CHD2: variants seen among roughly 807,000 people sequenced by gnomAD.
CHD2 encodes the protein ATP-dependent chromatin remodeler CHD2.
CHD2 carries 28 observed loss-of-function variants against 243.9 expected under a neutral mutation model. The observed-to-expected ratio is 0.11, with a 90% CI of 0.09 to 0.16. The LOEUF (loss-of-function observed/expected upper bound fraction) is 0.16, where lower values mean the gene tolerates loss of function less well. Among genes scored for constraint, CHD2 ranks in the 10% least tolerant of loss-of-function variants. CHD2 has a pLI of 1.00. For missense variants in CHD2, 1,386 were observed against 2,209.8 expected, an observed-to-expected ratio of 0.63 and a Z score of 7.47; for synonymous variants, 775 against 779.0, an observed-to-expected ratio of 0.99 and a Z score of 0.09.
chr15:92,988,006 T>C (rs879721010), intron 26 of CHD2, among the ~76,000 whole-genome samples: 1 of 152,210 alleles, frequency 6.6e-6, no homozygotes, highest in Non-Finnish European at 1.5e-5. Flanking sequence ...TGTGCTGTTG[T>C]CGCACATTAC....
intron 26 of CHD2, among the ~76,000 whole-genome samples, chr15:92,990,603 T>G (rs1380914102): frequency 6.6e-6 from 1 of 152,212 alleles, no homozygotes; most frequent in Admixed American, 6.5e-5. Flanking sequence ...ATATAATACT[T>G]TCCTAACCTT....
rs1186713001 is a variant in CHD2 at position 93,027,782 on chromosome 15, G to A, written c.*3077G>A. On this transcript the variant is annotated 3_prime_UTR_variant, in exon 39 of 39. Coordinates refer to ENST00000394196, the MANE Select transcript of CHD2 (RefSeq NM_001271.4). ...AGGCCATCTGTGCCCCACTCATCTG[G>A]GGACAGATGGTTTTTCTTTATTGTA... 6.6e-6 allele frequency: 1 copy of A among 152,576 alleles called. No homozygotes were observed. The highest frequency in any genetic ancestry group is 1.5e-5 in the Non-Finnish European group (1 of 68,034). The allele number at this position is 152,576 out of a possible 1,614,324, so 9.5% of individuals were successfully genotyped here. A position where few individuals can be genotyped will look rare whatever the true frequency, so the allele number is the denominator to read the frequency against.
intron 25 of CHD2, among the ~76,000 whole-genome samples, chr15:92,985,069 C>CA (rs1325272439): frequency 6.6e-6 from 1 of 152,104 alleles, no homozygotes; most frequent in African/African-American, 2.4e-5. Context: ...TATGAGGTAA[C>CA]ACTAGCTACC....
At chr15:92,909,393 TA>T (rs1479395292) in intron 2 of CHD2, among the ~76,000 whole-genome samples, 3 of 152,224 alleles carry the variant, frequency 2.0e-5, no homozygotes, top group African/African-American at 7.2e-5. Flanking sequence ...AATGTGGTAA[TA>T]AACTCCAGGG....
At chr15:93,005,055 T>C (rs2054303135) in intron 34 of CHD2, among the ~76,000 whole-genome samples, 2 of 152,206 alleles carry the variant, frequency 1.3e-5, no homozygotes, top group African/African-American at 4.8e-5. Context: ...CAAGTATTTA[T>C]TGAATGTTTT....
At chr15:92,981,071 A>C (rs975272092) in intron 23 of CHD2, among the ~76,000 whole-genome samples, 160 bp downstream of exon 23, 1 of 152,240 alleles carries the variant, frequency 6.6e-6, no homozygotes, top group Admixed American at 6.5e-5. Context: ...GCTCTTACCA[A>C]ATTGAGTAGG....
chr15:92,992,302 G>C lies in CHD2; in HGVS notation c.3456-557G>C, dbSNP rs373399639. ...ATTGCTGACCACCCAGGGGTAGACT[G>C]TCTGTTTTTGGGCCAGTTACCGTAA... On this transcript the variant is annotated intron_variant, in intron 27 of 38. Transcript: ENST00000394196. Among the ~76,000 whole-genome samples, 4 of 152,162 alleles carry C rather than the reference G, an allele frequency of 2.6e-5. 1 individual carries two copies. The South Asian group carries it at 8.3e-4, about 32-fold the overall frequency.
Position 92,998,694 on chromosome 15 carries a change from G to C in CHD2, c.4008+73G>C. Reference sequence around the variant, plus strand: ...CCCTGCAGAATTAGGTAGGAAGAGAGAGGCCCTCTCTGAGCACTGCACAGA... The same window carrying C: ...CCCTGCAGAATTAGGTAGGAAGAGACAGGCCCTCTCTGAGCACTGCACAGA... On this transcript the variant is annotated intron_variant, in intron 31 of 38. Coordinates refer to ENST00000394196, the MANE Select transcript of CHD2 (RefSeq NM_001271.4). This position sits in a 1 kb window ranked among gnomAD's most constrained non-coding sequence, Gnocchi z 5.1. 1 of 1,560,952 alleles carries C rather than the reference G, an allele frequency of 6.4e-7. No individual in the cohort carries two copies. Among genetic ancestry groups the C allele is most frequent in the Non-Finnish European group, 8.7e-7 (1 of 1,147,492 alleles).
At position 92,998,944 on chromosome 15, in the gene CHD2, C is replaced by T. The variant is rs1421012705; in HGVS notation, c.4008+323C>T. Among the ~76,000 whole-genome samples the T allele has an allele frequency of 6.6e-6, 1 of 151,820 alleles. No homozygotes were observed. The highest frequency in any genetic ancestry group is 1.5e-5 in the Non-Finnish European group (1 of 67,960). ...TAAAAATACAAAAAAATTAGCCGGGCGTGGTGGCACACGCCTGTAATCCCA... is the reference window on the plus strand; with the variant it reads ...TAAAAATACAAAAAAATTAGCCGGGTGTGGTGGCACACGCCTGTAATCCCA... On this transcript the variant is annotated intron_variant, in intron 31 of 38. Transcript: ENST00000394196. The surrounding 1 kb of genome is among the most constrained non-coding windows in gnomAD (Gnocchi z 5.1).
At position 92,919,166 on chromosome 15, in the gene CHD2, CT is replaced by C. The variant is rs956891449; in HGVS notation, c.63-5142del. Among the ~76,000 whole-genome samples the C allele has an allele frequency of 1.3e-3, 189 of 143,514 alleles. 1 individual carries two copies. Among genetic ancestry groups the C allele is most frequent in the African/African-American group, 2.7e-3 (106 of 39,478 alleles). The allele number at this position is 143,514 out of a possible 152,430, so 94.2% of individuals were successfully genotyped here. A position where few individuals can be genotyped will look rare whatever the true frequency, so the allele number is the denominator to read the frequency against. Reference sequence around the variant, plus strand: ...CCACCATGCTCGGCCCATAATTACACTTTTTTTTTTTTTGAGACGGAGTCTG... The same window carrying C: ...CCACCATGCTCGGCCCATAATTACACTTTTTTTTTTTTGAGACGGAGTCTG... On this transcript the variant is annotated intron_variant, in intron 2 of 38. Transcript: ENST00000394196.
At chr15:92,977,021 T>G (rs1241090355) in intron 20 of CHD2, among the ~76,000 whole-genome samples, 4 of 152,166 alleles carry the variant, frequency 2.6e-5, no homozygotes, top group African/African-American at 7.2e-5. Flanking sequence ...TTTTTCAACT[T>G]GATCATAGAT....
chr15:92,923,646 TC>T (rs1399902840), intron 2 of CHD2, among the ~76,000 whole-genome samples: 1 of 144,400 alleles, frequency 6.9e-6, no homozygotes, highest in Non-Finnish European at 1.5e-5. Flanking sequence ...GCTCACTACA[TC>T]CTTTGCCTCC....
intron 37 of CHD2, 64 bp from the exon 38 acceptor site, chr15:93,019,948 T>G: frequency 7.3e-7 from 1 of 1,363,526 alleles, no homozygotes. Flanking sequence ...AAAAAAAAAA[T>G]TGTAGTGAAA....
chr15:92,987,405 A>G (rs1025552870), intron 26 of CHD2, among the ~76,000 whole-genome samples: 1 of 151,994 alleles, frequency 6.6e-6, no homozygotes, highest in African/African-American at 2.4e-5. Context: ...TGAGACCAGC[A>G]TGGTCTCAAC....
intron 5 of CHD2, among the ~76,000 whole-genome samples, chr15:92,934,636 A>G (rs1188882778): frequency 1.3e-5 from 2 of 152,246 alleles, no homozygotes; most frequent in Non-Finnish European, 2.9e-5. Context: ...AGAGCCTTAT[A>G]CATCTGTAGG....
intron 2 of CHD2, among the ~76,000 whole-genome samples, chr15:92,923,563 T>G (rs989711026): frequency 6.4e-5 from 8 of 124,882 alleles, no homozygotes; most frequent in Admixed American, 5.1e-4. Flanking sequence ...TCCAGCTTGT[T>G]TTTTTTTTTT....
chr15:92,933,329 T>C (rs762080971), intron 5 of CHD2, among the ~76,000 whole-genome samples: 4 of 152,232 alleles, frequency 2.6e-5, no homozygotes, highest in Non-Finnish European at 5.9e-5. Context: ...GTTTTTAGCT[T>C]CTTTTGAGAA....
At chr15:93,012,483 A>T (rs776405268) in intron 36 of CHD2, 39 bp downstream of exon 36, 1 of 1,401,478 alleles carries the variant, frequency 7.1e-7, no homozygotes, top group South Asian at 1.3e-5. Flanking sequence ...ACAAACAAAT[A>T]CCAATTCCAC....
intron 35 of CHD2, 61 bp from the exon 36 acceptor site, chr15:93,012,284 A>G (rs2141885348): frequency 9.2e-7 from 1 of 1,092,422 alleles, no homozygotes; most frequent in East Asian, 2.4e-5. Context: ...ATCCATGAAG[A>G]TCATAAAAAA....
Sources: gnomAD v4.1 joint callset for allele counts (sites outside exome capture counted in the v4.1 genomes callset) on GRCh38, gnomAD v4.1.1 for gene constraint, Gnocchi (gnomAD v3.1) non-coding constraint, MANE v1.5 for transcripts, NCBI Gene and HGNC (gene_info 2026-07-23, HGNC 2026-07-21) for gene names.